The following GUCY1A2 variants were observed in gnomAD, a reference collection of about 807,000 sequenced individuals.
GUCY1A2 encodes the protein guanylate cyclase 1 soluble subunit alpha 2.
A neutral mutation model predicts 63.5 loss-of-function variants in GUCY1A2; 27 were observed. The observed-to-expected ratio is 0.43, with a 90% CI of 0.31 to 0.59. The LOEUF (loss-of-function observed/expected upper bound fraction) is 0.59, where lower values mean the gene tolerates loss of function less well. GUCY1A2 is among the 20% of genes least tolerant of loss of function. The pLI, the probability that GUCY1A2 is intolerant of heterozygous loss-of-function variation, is 0.11. For missense variants in GUCY1A2, 768 were observed against 913.3 expected (o/e 0.84, Z 2.05); for synonymous variants, 364 against 343.5 (o/e 1.06, Z -0.66).
At chr11:106,772,068 T>A (rs1248447254) in intron 6 of GUCY1A2, among the ~76,000 whole-genome samples, 1 of 152,086 alleles carries the variant, frequency 6.6e-6, no homozygotes, top group Non-Finnish European at 1.5e-5. Context: ...AACAAAATGC[T>A]ACATTCTCTG....
chr11:106,773,856 GTTTTAA>G lies in GUCY1A2; in HGVS notation c.1836+2577_1836+2582del, dbSNP rs1469271595. Among the ~76,000 whole-genome samples the G allele has an allele frequency of 3.9e-5, 6 of 152,188 alleles. No homozygotes were observed. The South Asian group carries it at 6.2e-4, about 16-fold the overall frequency. On this transcript the variant is annotated intron_variant, in intron 6 of 7. Coordinates refer to ENST00000526355, the MANE Select transcript of GUCY1A2 (RefSeq NM_000855.3). ...TTTTTTAGTTCTTCTTAACAGGAAG[GTTTTAA>G]TTTTAATGTTCTAAACTTTTATTTT... is the stretch of plus-strand genomic sequence containing the variant.
At chr11:106,978,915 C>A (rs958403050) in intron 2 of GUCY1A2, among the ~76,000 whole-genome samples, 175 bp from the exon 3 acceptor site, 1 of 152,116 alleles carries the variant, frequency 6.6e-6, no homozygotes, top group African/African-American at 2.4e-5. Context: ...TCAGCATTTG[C>A]AGTGTAGACC....
intron 7 of GUCY1A2, among the ~76,000 whole-genome samples, chr11:106,697,736 T>C (rs1407578219): frequency 1.3e-5 from 2 of 152,226 alleles, no homozygotes; most frequent in Non-Finnish European, 2.9e-5. Context: ...GCATTAATTC[T>C]GAGAGTGAAT....
intron 5 of GUCY1A2, among the ~76,000 whole-genome samples, chr11:106,792,895 A>G (rs969973789): frequency 2.6e-5 from 4 of 152,224 alleles, no homozygotes; most frequent in Non-Finnish European, 4.4e-5. Flanking sequence ...ACATCAGTGG[A>G]AAAATATCTG....
intron 3 of GUCY1A2, among the ~76,000 whole-genome samples, chr11:106,976,467 T>C (rs76568353): frequency 6.6e-6 from 1 of 152,182 alleles, no homozygotes; most frequent in Non-Finnish European, 1.5e-5. Context: ...AGATTAATCA[T>C]AGCTCAGTGA....
chr11:106,735,528 ATTAAT>A (rs1282236561), intron 6 of GUCY1A2, among the ~76,000 whole-genome samples: 1 of 152,068 alleles, frequency 6.6e-6, no homozygotes, highest in Non-Finnish European at 1.5e-5. Flanking sequence ...CATTTTCCTT[ATTAAT>A]TTGTCTGTGG....
chr11:106,908,762 T>C (rs1860250028), intron 4 of GUCY1A2, among the ~76,000 whole-genome samples: 1 of 152,062 alleles, frequency 6.6e-6, no homozygotes, highest in Non-Finnish European at 1.5e-5. Context: ...ACCAGTTCTT[T>C]AGGCACTAAA....
intron 6 of GUCY1A2, among the ~76,000 whole-genome samples, chr11:106,720,365 T>C (rs1239035670): frequency 1.3e-5 from 2 of 152,160 alleles, no homozygotes; most frequent in Admixed American, 6.5e-5. Context: ...TGCAGCAGCA[T>C]GGTGCTGGGG....
intron 5 of GUCY1A2, among the ~76,000 whole-genome samples, chr11:106,794,706 C>G (rs1477902479): frequency 1.3e-5 from 2 of 151,852 alleles, no homozygotes; most frequent in Non-Finnish European, 1.5e-5. Flanking sequence ...AAATAAAATC[C>G]AAATCTAATA....
chr11:106,886,827 C>G (rs1001585257), intron 4 of GUCY1A2, among the ~76,000 whole-genome samples: 13 of 152,142 alleles, frequency 8.5e-5, no homozygotes, highest in African/African-American at 2.9e-4. Flanking sequence ...GATCTTATCA[C>G]AGTCCATCTT....
At chr11:106,854,069 G>A (rs976690930) in intron 4 of GUCY1A2, among the ~76,000 whole-genome samples, 1 of 152,218 alleles carries the variant, frequency 6.6e-6, no homozygotes, top group African/African-American at 2.4e-5. Context: ...CCCTTGGGTA[G>A]TATACACTGG....
intron 4 of GUCY1A2, among the ~76,000 whole-genome samples, chr11:106,899,435 A>C (rs1860095833): frequency 6.6e-6 from 1 of 152,220 alleles, no homozygotes; most frequent in African/African-American, 2.4e-5. Flanking sequence ...TGCTGTTTCC[A>C]TGGAGAGATA....
chr11:106,766,111 T>A (rs184522140), intron 6 of GUCY1A2, among the ~76,000 whole-genome samples: 19 of 152,232 alleles, frequency 1.2e-4, no homozygotes, highest in Admixed American at 2.6e-4. Context: ...ATGCCTGACA[T>A]GACATCAACA....
At chr11:106,830,505 C>A (rs1332212145) in intron 4 of GUCY1A2, among the ~76,000 whole-genome samples, 1 of 152,144 alleles carries the variant, frequency 6.6e-6, no homozygotes, top group African/African-American at 2.4e-5. Context: ...CGGGTGGGCA[C>A]CATCTAATCA....
At chr11:106,777,399 A>G (rs1346255595) in intron 5 of GUCY1A2, among the ~76,000 whole-genome samples, 1 of 144,898 alleles carries the variant, frequency 6.9e-6, no homozygotes, top group Non-Finnish European at 1.5e-5. Context: ...GTGAGCCGAG[A>G]TTGCACCACT....
At chr11:106,928,749 C>G (rs1232828515) in intron 4 of GUCY1A2, among the ~76,000 whole-genome samples, 1 of 152,104 alleles carries the variant, frequency 6.6e-6, no homozygotes, top group African/African-American at 2.4e-5. Flanking sequence ...TGTGACTATC[C>G]TGAATACTGT....
chr11:106,892,167 C>T (rs1042521282), intron 4 of GUCY1A2, among the ~76,000 whole-genome samples: 2 of 151,970 alleles, frequency 1.3e-5, no homozygotes, highest in African/African-American at 4.8e-5. Flanking sequence ...TTGTAAATGG[C>T]ATTTTAAAAT....
At chr11:106,904,305 TAAG>T (rs1860174657) in intron 4 of GUCY1A2, among the ~76,000 whole-genome samples, 1 of 152,134 alleles carries the variant, frequency 6.6e-6, no homozygotes, top group Non-Finnish European at 1.5e-5. Context: ...GTGTTTATCA[TAAG>T]AAGTTTTCAC....
At chr11:106,703,325 T>C (rs1265808617) in intron 7 of GUCY1A2, among the ~76,000 whole-genome samples, 3 of 152,112 alleles carry the variant, frequency 2.0e-5, no homozygotes, top group Non-Finnish European at 2.9e-5. Context: ...CTAATACACA[T>C]GGCAATGATG....
Sources: allele counts gnomAD v4.1 joint callset (sites outside exome capture counted in the v4.1 genomes callset), GRCh38; gene constraint gnomAD v4.1.1; transcripts MANE v1.5; gene names NCBI Gene and HGNC (gene_info 2026-07-23, HGNC 2026-07-21).